Variants in ZNF324B observed in about 807,000 individuals in gnomAD.
ZNF324B encodes zinc finger protein 324B.
ZNF324B carries 7 observed loss-of-function variants against 10.6 expected under a neutral mutation model. The ratio of observed to expected loss-of-function variants is 0.66; its 90% confidence interval spans 0.38 to 1.24. ZNF324B has a LOEUF of 1.24. ZNF324B is among the 50% of genes most tolerant of loss of function. The pLI is 0.02. For missense variants in ZNF324B, 640 were observed against 764.7 expected, an observed-to-expected ratio of 0.84 and a Z score of 1.92; for synonymous variants, 316 against 321.0, an observed-to-expected ratio of 0.98 and a Z score of 0.17.
Position 58,455,911 on chromosome 19 carries a change from C to T in ZNF324B, c.967C>T (p.Arg323Trp), listed in dbSNP as rs1424134024. 3.1e-6 allele frequency: 5 copies of T among 1,603,174 alleles called. No homozygotes were observed. The East Asian group carries it at 6.7e-5, about 22-fold the overall frequency. Residue 323 changes from arginine (R) to tryptophan (W), a missense_variant, in exon 4 of 4, where the codon CGG becomes TGG. Coordinates refer to ENST00000336614, the MANE Select transcript of ZNF324B (RefSeq NM_207395.3). The surrounding 1 kb of genome is among the most constrained non-coding windows in gnomAD (Gnocchi z 7.0). ...YACPVCGKAF[R>W]HSSSLVRHQR... ...GTGCCCCGTGTGCGGCAAGGCCTTC[C>T]GGCATAGCTCCTCGCTGGTGCGGCA...
rs1228979385 is a variant in ZNF324B at position 58,456,991 on chromosome 19, C to G, written c.*412C>G. ...GAAACTTATGATGTCTGCACACAAA[C>G]TGGCCGCTAGACGGACGCTGAGGAC... is the stretch of plus-strand genomic sequence containing the variant. On this transcript the variant is annotated 3_prime_UTR_variant, in exon 4 of 4. Transcript: ENST00000336614. This position sits in a 1 kb window ranked among gnomAD's most constrained non-coding sequence, Gnocchi z 4.7. The G allele has an allele frequency of 4.5e-6, 1 of 220,856 alleles. No homozygotes were observed. The highest frequency in any genetic ancestry group is 9.1e-6 in the Non-Finnish European group (1 of 109,982). 13.7% of individuals were successfully genotyped at this position (220,856 alleles called of 1,614,324 possible).
At chr19:58,424,108 G>A in the ZNF324B span, among the ~76,000 whole-genome samples, 1 of 151,952 alleles carries the variant, frequency 6.6e-6, no homozygotes, top group African/African-American at 2.4e-5. Flanking sequence ...AATTAGCCAG[G>A]TGTGGTGGCG....
chr19:58,450,229 T>C (rs1285849166), upstream of ZNF324B, among the ~76,000 whole-genome samples: 11 of 152,154 alleles, frequency 7.2e-5, no homozygotes, highest in Admixed American at 7.2e-4. Flanking sequence ...TCCAGCCACG[T>C]GGAACTATGA....
the ZNF324B span, among the ~76,000 whole-genome samples, chr19:58,422,485 T>C: frequency 6.6e-6 from 1 of 152,182 alleles, no homozygotes; most frequent in Non-Finnish European, 1.5e-5. Context: ...GCAGATGACA[T>C]GATCTTATAT....
Position 58,455,666 on chromosome 19 carries a change from C to T in ZNF324B, c.722C>T (p.Ser241Leu), listed in dbSNP as rs2052910247. ...PHRLLGGQEP[S>L]TWDELGEALH... ...AGACTCCTCGGTGGCCAGGAGCCCT[C>T]GACCTGGGACGAGCTGGGCGAGGCT... Residue 241 changes from serine (S) to leucine (L), a missense_variant, in exon 4 of 4, where the codon TCG (serine) becomes TTG (leucine). By Grantham distance (145) the Ser-to-Leu change is moderately radical. This residue lies in a region of ZNF324B where 345 missense variants were observed against 387.9 expected (regional missense o/e 0.89). Coordinates refer to ENST00000336614, the MANE Select transcript of ZNF324B (RefSeq NM_207395.3). This position sits in a 1 kb window ranked among gnomAD's most constrained non-coding sequence, Gnocchi z 7.0. 1.2e-6 allele frequency: 2 copies of T among 1,613,478 alleles called. No individual in the cohort carries two copies. Among genetic ancestry groups the T allele is most frequent in the Non-Finnish European group, 1.7e-6 (2 of 1,179,844 alleles).
the ZNF324B span, chr19:58,437,318 T>A: frequency 7.6e-7 from 1 of 1,311,510 alleles, no homozygotes; most frequent in Non-Finnish European, 1.0e-6. Context: ...TTTCTTATGA[T>A]CCTCTCAGTC....
At chr19:58,433,672 T>G in the ZNF324B span, 1 of 1,614,022 alleles carries the variant, frequency 6.2e-7, no homozygotes, top group Non-Finnish European at 8.5e-7. Context: ...AGTATGAACT[T>G]TCTGATGCTT....
At chr19:58,433,154 T>G in the ZNF324B span, 2 of 696,106 alleles carry the variant, frequency 2.9e-6, no homozygotes. Context: ...GCTGCATGGG[T>G]GAGATGGCCC....
In ZNF324B at chr19:58,454,966, G is replaced by A. The variant is rs569342444; in HGVS notation, c.239-217G>A. On this transcript the variant is annotated intron_variant, in intron 3 of 3. Coordinates refer to ENST00000336614, the MANE Select transcript of ZNF324B (RefSeq NM_207395.3). ...ACATCCTGGGTGTCTGGGGGCTGCCGCCTTGATCATGGGAGTCCCCACTGC... is the reference window on the plus strand; with the variant it reads ...ACATCCTGGGTGTCTGGGGGCTGCCACCTTGATCATGGGAGTCCCCACTGC... 6 of 714,738 alleles carry A rather than the reference G, an allele frequency of 8.4e-6. 1 individual carries two copies. The highest frequency in any genetic ancestry group is 4.5e-5 in the South Asian group (3 of 66,066). 44.3% of individuals were successfully genotyped at this position (714,738 alleles called of 1,614,324 possible).
chr19:58,450,446 G>C (rs4801590), upstream of ZNF324B, among the ~76,000 whole-genome samples: 80,705 of 143,180 alleles, frequency 0.56, 23,938 homozygotes, highest in African/African-American at 0.78. Flanking sequence ...TCCTGGGTAA[G>C]AGAGTGAGAC....
chr19:58,451,646 C>T lies in ZNF324B; in HGVS notation c.-65C>T, dbSNP rs777803039. The T allele has an allele frequency of 1.9e-6, 1 of 516,592 alleles. No homozygotes were observed. Among genetic ancestry groups the T allele is most frequent in the South Asian group, 1.4e-5 (1 of 71,548 alleles). 32.0% of individuals were successfully genotyped at this position (516,592 alleles called of 1,614,324 possible). On this transcript the variant is annotated 5_prime_UTR_variant, in exon 1 of 4. Coordinates refer to ENST00000336614, the MANE Select transcript of ZNF324B (RefSeq NM_207395.3). Reference sequence around the variant, plus strand: ...TGTCACTTGGCTGCTCGCGTCAGGCCACACCGGTGGTCTGGGCTGTGGCGC... The same window carrying T: ...TGTCACTTGGCTGCTCGCGTCAGGCTACACCGGTGGTCTGGGCTGTGGCGC...
the ZNF324B span, among the ~76,000 whole-genome samples, chr19:58,427,353 T>TCTTTCTTTCTCTTTC: frequency 3.7e-4 from 21 of 56,044 alleles, no homozygotes; most frequent in East Asian, 1.5e-3. Flanking sequence ...CTCTTTCCTT[T>TCTTTCTTTCTCTTTC]CTTTCTTTCT....
intron 3 of ZNF324B, 83 bp downstream of exon 3, chr19:58,454,427 A>G (rs538812179): frequency 2.3e-6 from 2 of 881,164 alleles, no homozygotes; most frequent in East Asian, 4.9e-5. Context: ...CTGGAAACAC[A>G]TCCTCCTCTC....
the ZNF324B span, among the ~76,000 whole-genome samples, chr19:58,422,233 A>G: frequency 6.6e-6 from 1 of 152,148 alleles, no homozygotes; most frequent in Admixed American, 6.6e-5. Context: ...CCGTCATGGC[A>G]GAAACTCTCA....
At chr19:58,438,321 T>G in the ZNF324B span, among the ~76,000 whole-genome samples, 1 of 152,060 alleles carries the variant, frequency 6.6e-6, no homozygotes, top group Non-Finnish European at 1.5e-5. Flanking sequence ...CCGACATAAT[T>G]TCATAATCAC....
At chr19:58,450,032 G>A (rs1273930593), upstream of ZNF324B, among the ~76,000 whole-genome samples, 1 of 152,222 alleles carries the variant, frequency 6.6e-6, no homozygotes, top group East Asian at 1.9e-4. Context: ...TGTTGTGGAA[G>A]GGGCCCCAGT....
At chr19:58,454,925 T>C in intron 3 of ZNF324B, 1 of 626,246 alleles carries the variant, frequency 1.6e-6, no homozygotes, top group South Asian at 1.7e-5. Context: ...CAGCAGCTGC[T>C]GTTTTCCTCA....
chr19:58,425,212 C>T, the ZNF324B span, among the ~76,000 whole-genome samples: 56 of 151,586 alleles, frequency 3.7e-4, no homozygotes, highest in African/African-American at 1.2e-3. Flanking sequence ...GCCGAAATTG[C>T]GCCACTGCAC....
chr19:58,453,134 G>C (rs1396602328), intron 1 of ZNF324B: 1 of 149,186 alleles, frequency 6.7e-6, no homozygotes, highest in Non-Finnish European at 1.5e-5. Flanking sequence ...AATAAATTGA[G>C]GAGGGGGCGC....
Sources: allele counts gnomAD v4.1 joint callset (sites outside exome capture counted in the v4.1 genomes callset), GRCh38; gene constraint gnomAD v4.1.1; regional missense constraint gnomAD v4.1.1; non-coding constraint Gnocchi (gnomAD v3.1); transcripts MANE v1.5; gene names NCBI Gene and HGNC (gene_info 2026-07-23, HGNC 2026-07-21).